Variants in SORBS2 observed in about 807,000 individuals in gnomAD.
SORBS2 encodes the protein sorbin and SH3 domain containing 2, also known as sorbin and SH3 domain-containing protein 2.
In SORBS2, 46 loss-of-function variants were observed where a neutral mutation model predicts 97.7. The observed-to-expected ratio is 0.47, with a 90% CI of 0.37 to 0.60. The LOEUF is 0.60. SORBS2 is among the 20% of genes least tolerant of loss of function. SORBS2 has a pLI of 0.00. For missense variants in SORBS2, 1,316 were observed against 1,282.3 expected (o/e 1.03, Z -0.40); for synonymous variants, 476 against 473.4 (o/e 1.01, Z -0.07).
At chr4:185,856,800 A>C (rs1225782616) in intron 1 of SORBS2, among the ~76,000 whole-genome samples, 1 of 152,132 alleles carries the variant, frequency 6.6e-6, no homozygotes, top group Non-Finnish European at 1.5e-5. Flanking sequence ...CTGGCTGGGG[A>C]GGCCTCAGGA....
At chr4:185,936,138 C>A (rs776799960) in intron 1 of SORBS2, among the ~76,000 whole-genome samples, 2 of 152,312 alleles carry the variant, frequency 1.3e-5, no homozygotes, top group East Asian at 1.9e-4. Context: ...AGATGACAGG[C>A]GTGAGCCATT....
intron 2 of SORBS2, among the ~76,000 whole-genome samples, chr4:185,760,674 C>T (rs2098877451): frequency 6.6e-6 from 1 of 152,212 alleles, no homozygotes; most frequent in South Asian, 2.1e-4. Flanking sequence ...TGATCCCTGG[C>T]AAAGATACAC....
intron 2 of SORBS2, among the ~76,000 whole-genome samples, chr4:185,742,317 C>G (rs998287823): frequency 6.6e-6 from 1 of 152,244 alleles, no homozygotes; most frequent in African/African-American, 2.4e-5. Context: ...ACTGTGCAGA[C>G]AGACTGCCTG....
At chr4:185,868,446 G>A (rs1040781785) in intron 1 of SORBS2, among the ~76,000 whole-genome samples, 4 of 151,368 alleles carry the variant, frequency 2.6e-5, no homozygotes, top group Admixed American at 6.6e-5. Context: ...ATGAGCCACC[G>A]TGCCCAGCCG....
chr4:185,843,777 C>G (rs2099212975), intron 1 of SORBS2, among the ~76,000 whole-genome samples: 2 of 152,106 alleles, frequency 1.3e-5, no homozygotes, highest in Admixed American at 1.3e-4. Context: ...TCCATTCTCT[C>G]CAAATAGATC....
intron 2 of SORBS2, among the ~76,000 whole-genome samples, chr4:185,762,399 A>T (rs1176877125): frequency 6.6e-6 from 1 of 152,102 alleles, no homozygotes; most frequent in South Asian, 2.1e-4. Context: ...GAGATTAGGG[A>T]TTATCGTGAA....
intron 1 of SORBS2, among the ~76,000 whole-genome samples, chr4:185,790,022 T>A (rs2153645173): frequency 6.6e-6 from 1 of 152,302 alleles, no homozygotes; most frequent in South Asian, 2.1e-4. Flanking sequence ...TCTACTGTAG[T>A]TAAAAAGTTC....
intron 2 of SORBS2, among the ~76,000 whole-genome samples, chr4:185,701,353 G>A (rs1030093680): frequency 3.9e-5 from 6 of 152,162 alleles, no homozygotes; most frequent in Non-Finnish European, 5.9e-5. Flanking sequence ...CCTCTTGTTC[G>A]CATCGACTCT....
intron 1 of SORBS2, among the ~76,000 whole-genome samples, chr4:185,911,259 G>A (rs1057116323): frequency 8.6e-5 from 13 of 151,920 alleles, no homozygotes; most frequent in African/African-American, 1.2e-4. Context: ...ACAGAGTCTC[G>A]CTCTGTCACC....
At chr4:185,797,809 A>T (rs1012602261) in intron 1 of SORBS2, among the ~76,000 whole-genome samples, 1 of 152,126 alleles carries the variant, frequency 6.6e-6, no homozygotes, top group East Asian at 1.9e-4. Context: ...CTGTTCCTAC[A>T]TTCCAGACGC....
chr4:185,778,449 C>T (rs1488142279), intron 1 of SORBS2, among the ~76,000 whole-genome samples: 2 of 152,084 alleles, frequency 1.3e-5, no homozygotes, highest in South Asian at 2.1e-4. Flanking sequence ...TTGTTAGAAA[C>T]GCAAAACCTC....
intron 2 of SORBS2, among the ~76,000 whole-genome samples, chr4:185,689,683 C>T (rs1459908947): frequency 6.6e-6 from 1 of 152,130 alleles, no homozygotes; most frequent in Admixed American, 6.5e-5. Flanking sequence ...TATTGGTCCT[C>T]GCCAGTGGCT....
exon 7 of SORBS2, chr4:185,624,110 G>A: frequency 6.2e-7 from 1 of 1,614,188 alleles, no homozygotes; most frequent in Non-Finnish European, 8.5e-7. Flanking sequence ...TCTGATCCTT[G>A]ATCTGCCGTT....
intron 4 of SORBS2, among the ~76,000 whole-genome samples, chr4:185,634,525 C>T (rs2096962081): frequency 6.6e-6 from 1 of 151,880 alleles, no homozygotes; most frequent in Non-Finnish European, 1.5e-5. Flanking sequence ...CTGCTTGTGT[C>T]TTCTAATGAG....
chr4:185,776,657 T>C (rs1380140746), intron 1 of SORBS2, among the ~76,000 whole-genome samples: 1 of 151,972 alleles, frequency 6.6e-6, no homozygotes, highest in Non-Finnish European at 1.5e-5. Context: ...ATCCAGCACT[T>C]TGGGAGGCTG....
chr4:185,792,799 C>G (rs185523436), intron 1 of SORBS2, among the ~76,000 whole-genome samples: 1 of 152,210 alleles, frequency 6.6e-6, no homozygotes, highest in African/African-American at 2.4e-5. Context: ...GTAACATTTT[C>G]TTTTGGCTGA....
At chr4:185,603,668 G>A (rs1423025040) in intron 12 of SORBS2, among the ~76,000 whole-genome samples, 1 of 152,204 alleles carries the variant, frequency 6.6e-6, no homozygotes, top group Non-Finnish European at 1.5e-5. Flanking sequence ...AAAGGAAAAT[G>A]TTTTAGGATC....
chr4:185,636,590 G>T (rs969404842), intron 4 of SORBS2, among the ~76,000 whole-genome samples: 4 of 152,004 alleles, frequency 2.6e-5, no homozygotes, highest in African/African-American at 9.7e-5. Flanking sequence ...CAAATGCACT[G>T]CTGTTGGTGG....
chr4:185,612,391 G>A (rs2096553650), intron 11 of SORBS2, among the ~76,000 whole-genome samples: 1 of 152,170 alleles, frequency 6.6e-6, no homozygotes, highest in Non-Finnish European at 1.5e-5. Context: ...TTCAGAAAGT[G>A]CACCATAGCT....
Sources: allele counts gnomAD v4.1 joint callset (sites outside exome capture counted in the v4.1 genomes callset), GRCh38; gene constraint gnomAD v4.1.1; transcripts MANE v1.5; gene names NCBI Gene and HGNC (gene_info 2026-07-23, HGNC 2026-07-21).